Variants in NCKAP5 observed in about 807,000 individuals in gnomAD.
NCKAP5 encodes NCK associated protein 5, also known as nck-associated protein 5.
NCKAP5 carries 92 observed loss-of-function variants against 167.0 expected under a neutral mutation model. The ratio of observed to expected loss-of-function variants is 0.55; its 90% CI spans 0.47 to 0.66. NCKAP5 has a LOEUF of 0.66. NCKAP5 is among the 30% of genes least tolerant of loss of function. The pLI is 0.00. For missense variants in NCKAP5, 2,378 were observed against 2,315.0 expected (o/e 1.03, Z -0.56); for synonymous variants, 891 against 877.4 (o/e 1.02, Z -0.27).
chr2:133,648,213 T>C, the NCKAP5 span, among the ~76,000 whole-genome samples: 8 of 152,132 alleles, frequency 5.3e-5, no homozygotes, highest in African/African-American at 1.9e-4. Context: ...TTATGATTGT[T>C]ATCTATTAGA....
chr2:133,615,185 C>T, the NCKAP5 span, among the ~76,000 whole-genome samples: 1 of 152,142 alleles, frequency 6.6e-6, no homozygotes, highest in African/African-American at 2.4e-5. Flanking sequence ...GTACCAGCCA[C>T]TGCAAAATCA....
chr2:133,576,698 C>T, the NCKAP5 span, among the ~76,000 whole-genome samples: 202 of 152,200 alleles, frequency 1.3e-3, no homozygotes, highest in Non-Finnish European at 2.3e-3. Context: ...GAGGGGGTAA[C>T]TAAGATTGTA....
chr2:132,719,401 T>C (rs543725880), intron 19 of NCKAP5, among the ~76,000 whole-genome samples: 2 of 152,190 alleles, frequency 1.3e-5, no homozygotes, highest in Non-Finnish European at 2.9e-5. Context: ...AAAACCACTC[T>C]ACTGAGGTAT....
At chr2:133,663,811 T>A in the NCKAP5 span, among the ~76,000 whole-genome samples, 1 of 152,138 alleles carries the variant, frequency 6.6e-6, no homozygotes, top group African/African-American at 2.4e-5. Flanking sequence ...GAAGGTGAAA[T>A]CAACTTCTTC....
At chr2:132,741,890 T>C (rs1487146039) in intron 16 of NCKAP5, among the ~76,000 whole-genome samples, 1 of 152,104 alleles carries the variant, frequency 6.6e-6, no homozygotes, top group Non-Finnish European at 1.5e-5. Context: ...TCTGTTGGTA[T>C]CTCCTTTTAA....
chr2:132,859,788 A>C (rs1689744905), intron 11 of NCKAP5, among the ~76,000 whole-genome samples: 1 of 152,210 alleles, frequency 6.6e-6, no homozygotes. Flanking sequence ...ACACATTAAT[A>C]GGATCACAAA....
At chr2:133,618,551 A>G in the NCKAP5 span, among the ~76,000 whole-genome samples, 2 of 150,082 alleles carry the variant, frequency 1.3e-5, no homozygotes, top group South Asian at 2.1e-4. Context: ...AACACATGAA[A>G]AAATGCTCAC....
chr2:132,740,713 A>G lies in NCKAP5; in HGVS notation c.5129-8662T>C, dbSNP rs16840584. ...GCTTCCTGAGATTTGAAAACCAAGC[A>G]GGATAATATAAATGTGCTTTCCAAT... On this transcript the variant is annotated intron_variant, in intron 16 of 19. Coordinates refer to ENST00000409261, the MANE Select transcript of NCKAP5 (RefSeq NM_207363.3). Among the ~76,000 whole-genome samples, 729 of 152,276 alleles carry G rather than the reference A, an allele frequency of 4.8e-3. 13 individuals carry two copies. Among genetic ancestry groups the G allele is most frequent in the Admixed American group, 0.027 (415 of 15,280 alleles).
At chr2:133,408,517 T>C (rs1158909940) in intron 3 of NCKAP5, among the ~76,000 whole-genome samples, 1 of 151,978 alleles carries the variant, frequency 6.6e-6, no homozygotes, top group Non-Finnish European at 1.5e-5. Flanking sequence ...TCCGCAAATA[T>C]TTAGTTAATG....
intron 5 of NCKAP5, among the ~76,000 whole-genome samples, chr2:133,193,146 C>T (rs1221653135): frequency 6.6e-6 from 1 of 151,894 alleles, no homozygotes; most frequent in Admixed American, 6.6e-5. Context: ...AAAGACAATT[C>T]CAAAAGATTA....
At chr2:132,732,148 A>G in intron 16 of NCKAP5, 97 bp from the exon 17 acceptor site, 1 of 1,178,886 alleles carries the variant, frequency 8.5e-7, no homozygotes, top group Admixed American at 2.8e-5. Flanking sequence ...AGGAAAGGAG[A>G]CACCTAGAAG....
At chr2:133,122,351 G>A (rs1274288741) in intron 6 of NCKAP5, 3 of 152,162 alleles carry the variant, frequency 2.0e-5, no homozygotes, top group African/African-American at 4.8e-5. Context: ...GAACAGTAAT[G>A]TATCAGAAGT....
intron 3 of NCKAP5, among the ~76,000 whole-genome samples, chr2:133,381,106 G>C (rs1317207304): frequency 6.6e-6 from 1 of 152,152 alleles, no homozygotes; most frequent in Non-Finnish European, 1.5e-5. Context: ...GCAATTACTT[G>C]TTTTAACCAT....
chr2:133,575,527 G>A, the NCKAP5 span, among the ~76,000 whole-genome samples: 179 of 152,198 alleles, frequency 1.2e-3, 2 homozygotes, highest in African/African-American at 4.1e-3. Flanking sequence ...TTAATTCTAC[G>A]GCCAGTGCCT....
chr2:132,886,301 A>G (rs1456590884), intron 8 of NCKAP5, among the ~76,000 whole-genome samples: 2 of 152,248 alleles, frequency 1.3e-5, no homozygotes, highest in Admixed American at 6.5e-5. Context: ...ATACCTGGAG[A>G]CAACTTTTTA....
At chr2:133,077,016 T>C (rs954245867) in intron 6 of NCKAP5, among the ~76,000 whole-genome samples, 2 of 152,152 alleles carry the variant, frequency 1.3e-5, no homozygotes, top group African/African-American at 4.8e-5. Context: ...AGGCAAATGA[T>C]AGTCTAGTTG....
At chr2:133,481,750 C>A (rs1203161212) in intron 3 of NCKAP5, among the ~76,000 whole-genome samples, 2 of 152,172 alleles carry the variant, frequency 1.3e-5, no homozygotes, top group East Asian at 3.8e-4. Flanking sequence ...CATGTGCCTG[C>A]AAAGGACATG....
intron 3 of NCKAP5, among the ~76,000 whole-genome samples, chr2:133,345,873 T>A (rs765799765): frequency 6.6e-6 from 1 of 152,052 alleles, no homozygotes; most frequent in African/African-American, 2.4e-5. Context: ...GGGTATGAGG[T>A]ATGATAGCAG....
intron 19 of NCKAP5, among the ~76,000 whole-genome samples, chr2:132,674,571 C>A (rs1558901365): frequency 6.6e-6 from 1 of 152,206 alleles, no homozygotes; most frequent in Non-Finnish European, 1.5e-5. Context: ...ATGCTCCCCA[C>A]CCCCAACATT....
Sources: allele counts gnomAD v4.1 joint callset (sites outside exome capture counted in the v4.1 genomes callset), GRCh38; gene constraint gnomAD v4.1.1; transcripts MANE v1.5; gene names NCBI Gene and HGNC (gene_info 2026-07-23, HGNC 2026-07-21).